The following TAS1R3 variants were observed in gnomAD, a reference collection of about 807,000 sequenced individuals.
TAS1R3 encodes the protein taste receptor type 1 member 3.
TAS1R3 carries 58 observed loss-of-function variants against 46.1 expected under a neutral mutation model. That is an observed-to-expected ratio of 1.26 (90% CI 1.02 to 1.57). The LOEUF (loss-of-function observed/expected upper bound fraction) is 1.57, where lower values mean the gene tolerates loss of function less well. TAS1R3 is among the 40% of genes most tolerant of loss of function. The pLI, the probability that TAS1R3 is intolerant of heterozygous loss-of-function variation, is 0.00. For missense variants in TAS1R3, 1,422 were observed against 1,185.8 expected, an observed-to-expected ratio of 1.20 and a Z score of -2.93; for synonymous variants, 724 against 544.7, an observed-to-expected ratio of 1.33 and a Z score of -4.58.
rs887623710 is a variant in TAS1R3, at chr1:1,333,198, C to T, written c.1480-61C>T. The T allele has an allele frequency of 2.0e-5, 32 of 1,590,398 alleles. 1 individual carries two copies. The African/African-American group carries it at 2.4e-4, about 12-fold the overall frequency. On this transcript the variant is annotated intron_variant, in intron 4 of 5. Transcript: ENST00000339381. The stretch of plus-strand genomic sequence containing the variant: ...CAGGGCGCAGCCTGGGGGTGGGGGC[C>T]GTTCCAGTCTCCCGTGGGCATGCCC...
chr1:1,333,163 G>A lies in TAS1R3; in HGVS notation c.1479+39G>A, dbSNP rs770492058. The A allele has an allele frequency of 3.8e-6, 6 of 1,599,082 alleles. No individual in the cohort carries two copies. In the African/African-American group the frequency reaches 8.0e-5, roughly 21 times the overall value. On this transcript the variant is annotated intron_variant, in intron 4 of 5. Coordinates refer to ENST00000339381, the MANE Select transcript of TAS1R3 (RefSeq NM_152228.3). Reference sequence around the variant, plus strand: ...GGGTGTGCCAGGCGTGCCCGTGGTAGCCCCCGCGGCAGGGCGCAGCCTGGG... The same window carrying A: ...GGGTGTGCCAGGCGTGCCCGTGGTAACCCCCGCGGCAGGGCGCAGCCTGGG...
Position 1,334,289 on chromosome 1 carries a change from T to A in TAS1R3, c.2384T>A (p.Met795Lys). 1 of 1,611,868 alleles carries A rather than the reference T, an allele frequency of 6.2e-7. No individual in the cohort carries two copies. The highest frequency in any genetic ancestry group is 8.5e-7 in the Non-Finnish European group (1 of 1,179,272). Residue 795 changes from methionine (M) to lysine (K), a missense_variant, in exon 6 of 6, where the codon ATG (methionine) becomes AAG (lysine). Physicochemically the swap from Met to Lys is moderately conservative, Grantham distance 95. Coordinates refer to ENST00000339381, the MANE Select transcript of TAS1R3 (RefSeq NM_152228.3). ...GTGGTCCTCAGGCCCGCCGTGCAGA[T>A]GGGCGCCCTCCTGCTCTGTGTCCTG... ...VQVVLRPAVQ[M>K]GALLLCVLGI...
In TAS1R3 at chr1:1,333,661, G is replaced by T; in HGVS notation, c.1756G>T (p.Ala586Ser). 6.2e-7 allele frequency: 1 copy of T among 1,612,136 alleles called. No individual in the cohort carries two copies. The change falls in exon 6 of 6, where the codon GCT (alanine) becomes TCT (serine). Residue 586 changes from alanine (A) to serine (S), a missense_variant. Ala to Ser is a moderately conservative substitution (Grantham distance 99). Transcript: ENST00000339381. ...LSLALGLVLA[A>S]LGLFVHHRDS... is the part of the protein sequence containing the mutation. ...CCTGGCGCTGGGCCTTGTGCTGGCTGCTTTGGGGCTGTTCGTTCACCATCG... is the reference window on the plus strand; with the variant it reads ...CCTGGCGCTGGGCCTTGTGCTGGCTTCTTTGGGGCTGTTCGTTCACCATCG...
rs747221393 is a variant in TAS1R3 at position 1,333,370 on chromosome 1, C to A, written c.1591C>A (p.Gln531Lys). The change falls in exon 5 of 6, where the codon CAA becomes AAA. Residue 531 changes from glutamine to lysine, a missense_variant. Gln to Lys is a moderately conservative substitution (Grantham distance 53, BLOSUM62 1). Coordinates refer to ENST00000339381, the MANE Select transcript of TAS1R3 (RefSeq NM_152228.3). ...GGACTGCGAGGCGGGCAGCTACCGG[C>A]AAAACCCAGGTGAGCCGCCTTCCCG... ...CVDCEAGSYR[Q>K]NPDDIACTFC... 6.2e-7 allele frequency: 1 copy of A among 1,611,654 alleles called. No individual in the cohort carries two copies. The highest frequency in any genetic ancestry group is 8.5e-7 in the Non-Finnish European group (1 of 1,179,540).
Position 1,333,865 on chromosome 1 carries a change from C to A in TAS1R3, c.1960C>A (p.Gln654Lys). The change falls in exon 6 of 6, where the codon CAG becomes AAG. Residue 654 changes from glutamine to lysine, a missense_variant. Gln to Lys is a moderately conservative substitution (Grantham distance 53, BLOSUM62 1). Coordinates refer to ENST00000339381, the MANE Select transcript of TAS1R3 (RefSeq NM_152228.3). ...GGGCTGCCTGAGCACACTCTTCCTG[C>A]AGGCGGCCGAGATCTTCGTGGAGTC... Reference protein sequence around the residue: ...LTGCLSTLFLQAAEIFVESEL... With the variant: ...LTGCLSTLFLKAAEIFVESEL... 2 of 1,600,376 alleles carry A rather than the reference C, an allele frequency of 1.2e-6. No homozygotes were observed. The highest frequency in any genetic ancestry group is 1.7e-6 in the Non-Finnish European group (2 of 1,179,814).
rs201123187 is a variant in TAS1R3, at chr1:1,331,813, C to T, written c.367C>T (p.Arg123Cys). The change falls in exon 2 of 6, where the codon CGC becomes TGC. Residue 123 changes from arginine (R) to cysteine (C), a missense_variant. Arg to Cys is a radical substitution (Grantham distance 180). Transcript: ENST00000339381. The stretch of plus-strand genomic sequence containing the variant: ...CATGTTCCTGGCCAAGGCAGGCAGC[C>T]GCGACATCGCCGCCTACTGCAACTA... ...SLMFLAKAGS[R>C]DIAAYCNYTQ... is the part of the protein sequence containing the mutation. The T allele has an allele frequency of 5.0e-6, 8 of 1,612,830 alleles. No individual in the cohort carries two copies. The East Asian group carries it at 8.9e-5, about 18-fold the overall frequency.
Position 1,333,315 on chromosome 1 carries a change from G to A in TAS1R3, c.1536G>A (p.Lys512=). Residue 512 remains lysine, a synonymous_variant, in exon 5 of 6, where the codon AAG becomes AAA. Transcript: ENST00000339381. ...AGGAGGGCCAGGTGCGCCGGGTCAA[G>A]GGGTTCCACTCCTGCTGCTACGACT... The part of the protein sequence containing the change: ...QCQEGQVRRV[K]GFHSCCYDCV... 6.2e-7 allele frequency: 1 copy of A among 1,603,386 alleles called. No individual in the cohort carries two copies. Among genetic ancestry groups the A allele is most frequent in the African/African-American group, 1.3e-5 (1 of 74,890 alleles).
In TAS1R3 at chr1:1,334,541, C is replaced by T. The variant is rs307375; in HGVS notation, c.*77C>T. The T allele has an allele frequency of 9.6e-3, 13,442 of 1,407,266 alleles. 1,022 individuals carry two copies. In the African/African-American group the frequency reaches 0.16, roughly 17 times the overall value. The allele number at this position is 1,407,266 out of a possible 1,614,324, so 87.2% of individuals were successfully genotyped here. ...CCCAAGCCAGCAATGACCCGTGTCTCGCTACAGAGACCCTCCCGCTCTAGG... is the reference window on the plus strand; with the variant it reads ...CCCAAGCCAGCAATGACCCGTGTCTTGCTACAGAGACCCTCCCGCTCTAGG... On this transcript the variant is annotated 3_prime_UTR_variant, in exon 6 of 6. Coordinates refer to ENST00000339381, the MANE Select transcript of TAS1R3 (RefSeq NM_152228.3).
At position 1,334,648 on chromosome 1, in the gene TAS1R3, G is replaced by A; in HGVS notation, c.*184G>A. 1.5e-6 allele frequency: 1 copy of A among 665,862 alleles called. No homozygotes were observed. The highest frequency in any genetic ancestry group is 2.1e-5 in the South Asian group (1 of 48,370). 41.2% of individuals were successfully genotyped at this position (665,862 alleles called of 1,614,324 possible). On this transcript the variant is annotated 3_prime_UTR_variant, in exon 6 of 6. Coordinates refer to ENST00000339381, the MANE Select transcript of TAS1R3 (RefSeq NM_152228.3). ...CACGTGGACACCCCTGTGACCATCT[G>A]GGCCCCAGAGCCAAGCTGTGTCCCT...
At position 1,332,340 on chromosome 1, in the gene TAS1R3, T is replaced by C. The variant is rs1643448165; in HGVS notation, c.809T>C (p.Val270Ala). Reference sequence around the variant, plus strand: ...CAGGTGAACCAGAGCAGCGTGCAGGTGGTGCTGCTGTTCGCCTCCGTGCAC... The same window carrying C: ...CAGGTGAACCAGAGCAGCGTGCAGGCGGTGCTGCTGTTCGCCTCCGTGCAC... ...LHQVNQSSVQ[V>A]VLLFASVHAA... The change falls in exon 3 of 6, where the codon GTG (valine) becomes GCG (alanine). Residue 270 changes from valine (V) to alanine (A), a missense_variant. By Grantham distance (64) the Val-to-Ala change is moderately conservative. Transcript: ENST00000339381. The C allele has an allele frequency of 2.5e-6, 4 of 1,593,950 alleles. No individual in the cohort carries two copies. Among genetic ancestry groups the C allele is most frequent in the African/African-American group, 1.3e-5 (1 of 74,124 alleles).
chr1:1,331,835 A>G lies in TAS1R3; in HGVS notation c.389A>G (p.Asn130Ser). The change falls in exon 2 of 6, where the codon AAC (asparagine) becomes AGC (serine). Residue 130 changes from asparagine (N) to serine (S), a missense_variant. Physicochemically the swap from Asn to Ser is conservative, Grantham distance 46. Transcript: ENST00000339381. The part of the protein sequence containing the change: ...AGSRDIAAYC[N>S]YTQYQPRVLA... The stretch of plus-strand genomic sequence containing the variant: ...AGCCGCGACATCGCCGCCTACTGCA[A>G]CTACACGCAGTACCAGCCCCGTGTG... 1.9e-6 allele frequency: 3 copies of G among 1,612,880 alleles called. No homozygotes were observed. The highest frequency in any genetic ancestry group is 1.7e-6 in the Non-Finnish European group (2 of 1,180,012).
chr1:1,333,980 AG>A lies in TAS1R3; in HGVS notation c.2077del (p.Val693SerfsTer16). 1.3e-6 allele frequency: 2 copies of A among 1,599,912 alleles called. No homozygotes were observed. Among genetic ancestry groups the A allele is most frequent in the Non-Finnish European group, 1.7e-6 (2 of 1,179,778 alleles). On this transcript the variant is annotated frameshift_variant, in exon 6 of 6. Transcript: ENST00000339381. LOFTEE classifies it low-confidence loss of function (END_TRUNC). ...WLVVLLAMLVEVALCTWYLVA... is the reference protein window; with the variant it reads ...WLVVLLAMLVXVALCTWYLVA... Reference sequence around the variant, plus strand: ...GTGGTGCTGCTGGCCATGCTGGTGGAGGTCGCACTGTGCACCTGGTACCTGG... The same window carrying A: ...GTGGTGCTGCTGGCCATGCTGGTGGAGTCGCACTGTGCACCTGGTACCTGG...
Position 1,332,816 on chromosome 1 carries a change from G to T in TAS1R3, c.1275+10G>T. The T allele has an allele frequency of 6.2e-7, 1 of 1,600,294 alleles. No individual in the cohort carries two copies. ...CGTGAAGCCCTGGCAGGTGAGCCCG[G>T]GAGATGGGGGTGTGCTGTCCTCTGC... is the stretch of plus-strand genomic sequence containing the variant. On this transcript the variant is annotated intron_variant, in intron 3 of 5. Transcript: ENST00000339381.
chr1:1,333,093 T>G lies in TAS1R3; in HGVS notation c.1448T>G (p.Leu483Arg). The G allele has an allele frequency of 6.2e-7, 1 of 1,612,246 alleles. No individual in the cohort carries two copies. Among genetic ancestry groups the G allele is most frequent in the Admixed American group, 1.7e-5 (1 of 59,998 alleles). Residue 483 changes from leucine to arginine, a missense_variant, in exon 4 of 6, where the codon CTG becomes CGG. Transcript: ENST00000339381. ...AACGGCAGCCTCAGGACAGAGCGCC[T>G]GAAGATCCGCTGGCACACGTCTGAC... ...RFNGSLRTER[L>R]KIRWHTSDNQ...
In TAS1R3 at chr1:1,333,839, C is replaced by A. The variant is rs201675765; in HGVS notation, c.1934C>A (p.Thr645Lys). 6.2e-7 allele frequency: 1 copy of A among 1,600,534 alleles called. No homozygotes were observed. The highest frequency in any genetic ancestry group is 1.3e-5 in the African/African-American group (1 of 75,022). The change falls in exon 6 of 6, where the codon ACG becomes AAG. Residue 645 changes from threonine (T) to lysine (K), a missense_variant. Coordinates refer to ENST00000339381, the MANE Select transcript of TAS1R3 (RefSeq NM_152228.3). ...CAGCCCTTGTCCCACCTCCCGCTCA[C>A]GGGCTGCCTGAGCACACTCTTCCTG... is the stretch of plus-strand genomic sequence containing the variant. ...AQQPLSHLPL[T>K]GCLSTLFLQA...
Position 1,331,740 on chromosome 1 carries a change from C to G in TAS1R3, c.294C>G (p.Asp98Glu), listed in dbSNP as rs145868086. ...DLLPGLRLGYDLFDTCSEPVV... is the reference protein window; with the variant it reads ...DLLPGLRLGYELFDTCSEPVV... ...TGCCCGGGCTGCGCCTGGGCTACGA[C>G]CTCTTTGATACGTGCTCGGAGCCTG... is the stretch of plus-strand genomic sequence containing the variant. Residue 98 changes from aspartate to glutamate, a missense_variant, in exon 2 of 6, where the codon GAC becomes GAG. Physicochemically the swap from Asp to Glu is conservative, Grantham distance 45. Coordinates refer to ENST00000339381, the MANE Select transcript of TAS1R3 (RefSeq NM_152228.3). 204 of 1,612,870 alleles carry G rather than the reference C, an allele frequency of 1.3e-4. 1 individual carries two copies. Among genetic ancestry groups the G allele is most frequent in the Non-Finnish European group, 1.5e-4 (182 of 1,180,042 alleles).
Position 1,332,903 on chromosome 1 carries a change from C to T in TAS1R3, c.1276-18C>T. The stretch of plus-strand genomic sequence containing the variant: ...AGCTGGAGGTGGCTGGCGGCTCAGC[C>T]CCGTCCCCCGCCCGCAGCTCCTGGA... On this transcript the variant is annotated intron_variant, in intron 3 of 5. Transcript: ENST00000339381. 1 of 1,597,098 alleles carries T rather than the reference C, an allele frequency of 6.3e-7. No homozygotes were observed.
rs756639031 is a variant in TAS1R3, at chr1:1,331,880, A to G, written c.434A>G (p.His145Arg). 1 of 1,612,568 alleles carries G rather than the reference A, an allele frequency of 6.2e-7. No individual in the cohort carries two copies. Among genetic ancestry groups the G allele is most frequent in the Admixed American group, 1.7e-5 (1 of 59,994 alleles). The change falls in exon 2 of 6, where the codon CAC (histidine) becomes CGC (arginine). Residue 145 changes from histidine to arginine, a missense_variant. Coordinates refer to ENST00000339381, the MANE Select transcript of TAS1R3 (RefSeq NM_152228.3). ...QPRVLAVIGP[H>R]SSELAMVTGK... Reference sequence around the variant, plus strand: ...CGTGTGCTGGCTGTCATCGGGCCCCACTCGTCAGAGCTCGCCATGGTCACC... The same window carrying G: ...CGTGTGCTGGCTGTCATCGGGCCCCGCTCGTCAGAGCTCGCCATGGTCACC...
intron 4 of TAS1R3, 66 bp from the exon 5 acceptor site, chr1:1,333,193 G>T: frequency 6.3e-7 from 1 of 1,590,580 alleles, no homozygotes; most frequent in African/African-American, 1.3e-5. Context: ...CCTGGGGGTG[G>T]GGGCCGTTCC....
Sources: gnomAD v4.1 joint callset for allele counts on GRCh38, gnomAD v4.1.1 for gene constraint, MANE v1.5 for transcripts, NCBI Gene and HGNC (gene_info 2026-07-23, HGNC 2026-07-21) for gene names.